Variants in BCKDHA observed in about 807,000 individuals in gnomAD.
BCKDHA encodes 2-oxoisovalerate dehydrogenase subunit alpha, mitochondrial.
Under a neutral mutation model 52.2 loss-of-function variants are expected in BCKDHA, and 43 were observed. That is an observed-to-expected ratio of 0.82 (90% confidence interval 0.64 to 1.06). The LOEUF (loss-of-function observed/expected upper bound fraction) is 1.06. Ranked by LOEUF, BCKDHA falls within the 50% of genes least tolerant of loss-of-function variation. The pLI, the probability that BCKDHA is intolerant of heterozygous loss-of-function variation, is 0.00. For synonymous variants in BCKDHA, 234 were observed against 247.9 expected (o/e 0.94, Z 0.53); for missense variants, 527 against 621.3 (o/e 0.85, Z 1.61).
intron 1 of BCKDHA, among the ~76,000 whole-genome samples, chr19:41,409,842 C>A (rs1403832947): frequency 6.9e-6 from 1 of 144,356 alleles, no homozygotes; most frequent in Non-Finnish European, 1.5e-5. Flanking sequence ...CTCACTGTCA[C>A]CAGGCTAGAG....
chr19:41,421,699 G>A (rs2039367305), intron 5 of BCKDHA, among the ~76,000 whole-genome samples: 1 of 152,244 alleles, frequency 6.6e-6, no homozygotes. Flanking sequence ...CTCAAAGTGG[G>A]ACAGGAGCCG....
chr19:41,400,541 C>T (rs190243533), intron 1 of BCKDHA, among the ~76,000 whole-genome samples: 3 of 151,478 alleles, frequency 2.0e-5, no homozygotes, highest in East Asian at 4.0e-4. Context: ...TGCCTGGCTG[C>T]GCCTGGCTAA....
Position 41,406,735 on chromosome 19 carries a change from G to A in BCKDHA, c.109-3902G>A, listed in dbSNP as rs1200207370. 3.3e-5 allele frequency among the ~76,000 whole-genome samples: 5 copies of A among 152,036 alleles called. No homozygotes were observed. The East Asian group carries it at 9.7e-4, about 29-fold the overall frequency. On this transcript the variant is annotated intron_variant, in intron 1 of 8. Transcript: ENST00000269980. ...CAGGCACCTACCATCATGCACGGCT[G>A]TTTTTTGTATTTTTAGTAGAGACAG...
At chr19:41,421,596 G>A (rs2039365478) in intron 5 of BCKDHA, among the ~76,000 whole-genome samples, 1 of 150,732 alleles carries the variant, frequency 6.6e-6, no homozygotes, top group African/African-American at 2.5e-5. Context: ...GGTGGTTGGA[G>A]GTAAAGTCCA....
intron 1 of BCKDHA, among the ~76,000 whole-genome samples, chr19:41,407,889 G>A (rs1363653068): frequency 9.9e-5 from 15 of 152,014 alleles, no homozygotes; most frequent in Admixed American, 9.8e-4. Context: ...GGGCAGTTGG[G>A]GTGAGGAGCA....
chr19:41,423,557 C>T (rs941731627), intron 8 of BCKDHA, among the ~76,000 whole-genome samples: 4 of 152,102 alleles, frequency 2.6e-5, no homozygotes, highest in Admixed American at 6.5e-5. Flanking sequence ...TAGGGCTGGG[C>T]GCAGTGGCTC....
At chr19:41,411,162 AGTG>A (rs2039249953) in intron 3 of BCKDHA, among the ~76,000 whole-genome samples, 153 bp downstream of exon 3, 1 of 152,158 alleles carries the variant, frequency 6.6e-6, no homozygotes, top group South Asian at 2.1e-4. Flanking sequence ...CTGGAGGAGA[AGTG>A]TGAGAGCAGT....
chr19:41,401,064 T>C (rs1390037255), intron 1 of BCKDHA, among the ~76,000 whole-genome samples: 1 of 119,186 alleles, frequency 8.4e-6, no homozygotes, highest in Non-Finnish European at 1.7e-5. Context: ...TGGTGCAGGG[T>C]TTTTGTTTTG....
intron 1 of BCKDHA, among the ~76,000 whole-genome samples, chr19:41,410,357 G>C (rs1482525773): frequency 6.6e-6 from 1 of 152,218 alleles, no homozygotes; most frequent in Non-Finnish European, 1.5e-5. Context: ...CCACTTGATT[G>C]AGTCATTTAA....
Position 41,424,866 on chromosome 19 carries a change from C to G in BCKDHA, c.*258C>G, listed in dbSNP as rs1353611509. The G allele has an allele frequency of 2.2e-6, 1 of 463,562 alleles. No homozygotes were observed. Among genetic ancestry groups the G allele is most frequent in the Non-Finnish European group, 3.9e-6 (1 of 258,826 alleles). 28.7% of individuals were successfully genotyped at this position (463,562 alleles called of 1,614,324 possible). On this transcript the variant is annotated 3_prime_UTR_variant, in exon 9 of 9. Coordinates refer to ENST00000269980, the MANE Select transcript of BCKDHA (RefSeq NM_000709.4). ...TTGTTACAGTGCCTTCTCCCAGGGG[C>G]TGGGTGAGGGCACATTCAGGACTAG...
At chr19:41,418,175 C>T (rs559152504) in intron 4 of BCKDHA, among the ~76,000 whole-genome samples, 27 of 150,154 alleles carry the variant, frequency 1.8e-4, no homozygotes, top group South Asian at 1.3e-3. Flanking sequence ...GCGGGTTCTG[C>T]GGTAAAGAAA....
At chr19:41,411,987 A>T (rs1384865441) in intron 3 of BCKDHA, among the ~76,000 whole-genome samples, 1 of 152,178 alleles carries the variant, frequency 6.6e-6, no homozygotes, top group Non-Finnish European at 1.5e-5. Flanking sequence ...CTGGGAACAC[A>T]TGGAGGAGGG....
Position 41,411,028 on chromosome 19 carries a change from A to G in BCKDHA, c.375+19A>G, listed in dbSNP as rs1381547445. 6.2e-7 allele frequency: 1 copy of G among 1,612,956 alleles called. No homozygotes were observed. Among genetic ancestry groups the G allele is most frequent in the South Asian group, 1.1e-5 (1 of 91,064 alleles). ...GCGGCAGGTGCGTGGGGACAGGACT[A>G]GGGGCGGGGGGCTGGAATTACCTGA... On this transcript the variant is annotated intron_variant, in intron 3 of 8. Transcript: ENST00000269980.
chr19:41,422,232 G>A lies in BCKDHA; in HGVS notation c.715G>A (p.Gly239Arg). Reference sequence around the variant, plus strand: ...GGTCGTCATCTGTTACTTCGGCGAGGGGGCAGCCAGTGAGGGGGACGCCCA... The same window carrying A: ...GGTCGTCATCTGTTACTTCGGCGAGAGGGCAGCCAGTGAGGGGGACGCCCA... The part of the protein sequence containing the change: ...NRVVICYFGE[G>R]AASEGDAHAG... The change falls in exon 6 of 9, where the codon GGG becomes AGG. Residue 239 changes from glycine (G) to arginine (R), a missense_variant. Gly to Arg is a moderately radical substitution (Grantham distance 125, BLOSUM62 -2). Coordinates refer to ENST00000269980, the MANE Select transcript of BCKDHA (RefSeq NM_000709.4). The A allele has an allele frequency of 3.1e-6, 5 of 1,614,178 alleles. No individual in the cohort carries two copies. The highest frequency in any genetic ancestry group is 4.2e-6 in the Non-Finnish European group (5 of 1,179,996).
In BCKDHA at chr19:41,409,628, C is replaced by T. The variant is rs1308646128; in HGVS notation, c.109-1009C>T. Among the ~76,000 whole-genome samples, 4 of 151,942 alleles carry T rather than the reference C, an allele frequency of 2.6e-5. No individual in the cohort carries two copies. In the East Asian group the frequency reaches 7.7e-4, roughly 29 times the overall value. On this transcript the variant is annotated intron_variant, in intron 1 of 8. Coordinates refer to ENST00000269980, the MANE Select transcript of BCKDHA (RefSeq NM_000709.4). ...AGATGAGAGGGAGAAATGAGAATTG[C>T]TAAGATTGTTTTGAGCATTTGTTAG...
chr19:41,414,066 C>T lies in BCKDHA; in HGVS notation c.393C>T (p.Tyr131=). 1 of 1,613,796 alleles carries T rather than the reference C, an allele frequency of 6.2e-7. No individual in the cohort carries two copies. The highest frequency in any genetic ancestry group is 1.1e-5 in the South Asian group (1 of 91,088). Reference sequence around the variant, plus strand: ...ACCCCCAGGGCCGGATCTCCTTCTACATGACCAACTATGGTGAGGAGGGCA... The same window carrying T: ...ACCCCCAGGGCCGGATCTCCTTCTATATGACCAACTATGGTGAGGAGGGCA... ...ESQRQGRISF[Y]MTNYGEEGTH... The change falls in exon 4 of 9, where the codon TAC becomes TAT. Residue 131 remains tyrosine, a synonymous_variant. Transcript: ENST00000269980.
intron 1 of BCKDHA, among the ~76,000 whole-genome samples, chr19:41,403,778 G>GC (rs2039163012): frequency 6.6e-6 from 1 of 152,164 alleles, no homozygotes; most frequent in African/African-American, 2.4e-5. Context: ...ACGAGGGCAC[G>GC]CAGGTTCACA....
At chr19:41,402,761 C>A (rs138678914) in intron 1 of BCKDHA, among the ~76,000 whole-genome samples, 17 of 152,318 alleles carry the variant, frequency 1.1e-4, no homozygotes, top group African/African-American at 3.1e-4. Context: ...CTGCCTCCCC[C>A]TCTCGAGTAG....
chr19:41,424,336 C>G, intron 8 of BCKDHA, 102 bp from the exon 9 acceptor site: 2 of 1,325,754 alleles, frequency 1.5e-6, no homozygotes, highest in Non-Finnish European at 2.1e-6. Flanking sequence ...GGTGGGAACA[C>G]AAAGGCTTGG....
Sources: gnomAD v4.1 joint callset for allele counts (sites outside exome capture counted in the v4.1 genomes callset) on GRCh38, gnomAD v4.1.1 for gene constraint, MANE v1.5 for transcripts, NCBI Gene and HGNC (gene_info 2026-07-23, HGNC 2026-07-21) for gene names.